GPR39: variants seen among roughly 807,000 people sequenced by gnomAD.
GPR39 encodes the protein zinc sensing receptor.
Under a neutral mutation model 18.4 loss-of-function variants are expected in GPR39, and 23 were observed. The observed-to-expected ratio is 1.25, with a 90% CI of 0.90 to 1.77. GPR39 has a LOEUF of 1.77. GPR39 is among the 40% of genes most tolerant of loss of function. The pLI is 0.00. For missense variants in GPR39, 647 were observed against 602.4 expected (o/e 1.07, Z -0.78); for synonymous variants, 280 against 257.9 (o/e 1.09, Z -0.82).
rs1335962092 is a variant in GPR39, at chr2:132,646,381, C to CCACAGCCCAGAGACTAGG, written c.*776_*793dup. 2.8e-6 allele frequency: 2 copies of CCACAGCCCAGAGACTAGG among 716,390 alleles called. No individual in the cohort carries two copies. Among genetic ancestry groups the CCACAGCCCAGAGACTAGG allele is most frequent in the Non-Finnish European group, 4.2e-6 (2 of 480,014 alleles). The allele number at this position is 716,390 out of a possible 1,614,324, so 44.4% of individuals were successfully genotyped here. ...AACGGACAGCTCTTCCTTACTCCTCCCACAGCCCAGAGACTAGGTGAGGTC... is the reference window on the plus strand; with the variant it reads ...AACGGACAGCTCTTCCTTACTCCTCCCACAGCCCAGAGACTAGGCACAGCCCAGAGACTAGGTGAGGTC... On this transcript the variant is annotated 3_prime_UTR_variant, in exon 2 of 2. Transcript: ENST00000329321.
chr2:132,527,245 C>A (rs1329941756), intron 1 of GPR39, among the ~76,000 whole-genome samples: 1 of 152,180 alleles, frequency 6.6e-6, no homozygotes, highest in African/African-American at 2.4e-5. Context: ...CCAGCTTCAT[C>A]CATGTCCCTG....
intron 1 of GPR39, among the ~76,000 whole-genome samples, chr2:132,439,025 A>G (rs550466371): frequency 6.6e-6 from 1 of 152,208 alleles, no homozygotes; most frequent in South Asian, 2.1e-4. Flanking sequence ...GATGCTATTC[A>G]TAATAACATT....
At chr2:132,629,359 C>T (rs991117162) in intron 1 of GPR39, among the ~76,000 whole-genome samples, 1 of 152,206 alleles carries the variant, frequency 6.6e-6, no homozygotes, top group African/African-American at 2.4e-5. Flanking sequence ...GCACTACACT[C>T]TGAGTAGCAA....
chr2:132,439,785 G>A, intron 1 of GPR39, among the ~76,000 whole-genome samples: 1 of 152,122 alleles, frequency 6.6e-6, no homozygotes, highest in East Asian at 1.9e-4. Context: ...TCACAACAAG[G>A]CAGCCTAGGA....
intron 1 of GPR39, among the ~76,000 whole-genome samples, chr2:132,637,708 A>C (rs1025508303): frequency 6.6e-6 from 1 of 152,214 alleles, no homozygotes; most frequent in East Asian, 1.9e-4. Context: ...TTGTCAGAGG[A>C]CATGGTACCT....
intron 1 of GPR39, among the ~76,000 whole-genome samples, chr2:132,550,544 GCT>G (rs1392065257): frequency 6.6e-6 from 1 of 152,194 alleles, no homozygotes; most frequent in Non-Finnish European, 1.5e-5. Flanking sequence ...CTTATCCAAG[GCT>G]TTAGAATGTC....
rs537675943 is a variant in GPR39, at chr2:132,535,533, G to A, written c.857-109568G>A. ...TTGGCCTGAAGTTTTCTTTTTTGTT[G>A]TATCTCTGCCAGGTTTTGGTATCAG... On this transcript the variant is annotated intron_variant, in intron 1 of 1. Coordinates refer to ENST00000329321, the MANE Select transcript of GPR39 (RefSeq NM_001508.3). Among the ~76,000 whole-genome samples the A allele has an allele frequency of 3.7e-3, 568 of 151,980 alleles. 1 individual carries two copies. The highest frequency in any genetic ancestry group is 6.2e-3 in the Non-Finnish European group (419 of 67,968).
chr2:132,644,077 C>A (rs1039476213), intron 1 of GPR39, among the ~76,000 whole-genome samples: 4 of 152,170 alleles, frequency 2.6e-5, no homozygotes, highest in Admixed American at 6.5e-5. Context: ...TTCACAGATC[C>A]CCTGATCTTC....
At chr2:132,427,802 A>G (rs770958848) in intron 1 of GPR39, among the ~76,000 whole-genome samples, 2 of 149,228 alleles carry the variant, frequency 1.3e-5, no homozygotes, top group Non-Finnish European at 3.0e-5. Flanking sequence ...GGCTCAAGCA[A>G]TCCTTCTGCC....
intron 1 of GPR39, among the ~76,000 whole-genome samples, chr2:132,507,469 T>G (rs996080131): frequency 6.6e-6 from 1 of 152,180 alleles, no homozygotes; most frequent in African/African-American, 2.4e-5. Flanking sequence ...TTCTTCCTTG[T>G]TTTAAGTATA....
In GPR39 at chr2:132,612,713, C is replaced by A. The variant is rs542369077; in HGVS notation, c.857-32388C>A. 1.3e-5 allele frequency among the ~76,000 whole-genome samples: 2 copies of A among 152,288 alleles called. 1 individual carries two copies. Among genetic ancestry groups the A allele is most frequent in the South Asian group, 4.1e-4 (2 of 4,826 alleles). On this transcript the variant is annotated intron_variant, in intron 1 of 1. Transcript: ENST00000329321. Reference sequence around the variant, plus strand: ...GTTTATTTTTGTGCTAATATCACACCATCTTCATTATTGTAACTTTATAAT... The same window carrying A: ...GTTTATTTTTGTGCTAATATCACACAATCTTCATTATTGTAACTTTATAAT...
chr2:132,587,122 C>CAG (rs1680743506), intron 1 of GPR39, among the ~76,000 whole-genome samples: 3 of 152,090 alleles, frequency 2.0e-5, no homozygotes, highest in Admixed American at 2.0e-4. Flanking sequence ...GCTTTGGTTC[C>CAG]AGAGAGATTA....
intron 1 of GPR39, among the ~76,000 whole-genome samples, chr2:132,494,582 C>T (rs531112224): frequency 1.2e-4 from 18 of 152,254 alleles, no homozygotes; most frequent in Admixed American, 3.9e-4. Context: ...TTTCATCACA[C>T]GGACACTATG....
At chr2:132,643,370 C>T (rs1270892860) in intron 1 of GPR39, among the ~76,000 whole-genome samples, 2 of 152,116 alleles carry the variant, frequency 1.3e-5, no homozygotes, top group Admixed American at 6.5e-5. Context: ...GAAGAGTTTC[C>T]AAGGCCTTCC....
chr2:132,537,404 C>T (rs1679776736), intron 1 of GPR39, among the ~76,000 whole-genome samples: 1 of 152,060 alleles, frequency 6.6e-6, no homozygotes, highest in Non-Finnish European at 1.5e-5. Flanking sequence ...CCCCCACTCT[C>T]TTCTGGCTTG....
At chr2:132,609,118 A>G (rs1161852009) in intron 1 of GPR39, among the ~76,000 whole-genome samples, 2 of 152,244 alleles carry the variant, frequency 1.3e-5, no homozygotes, top group Non-Finnish European at 2.9e-5. Context: ...AGGAGGGTAC[A>G]CGACAGCAGA....
chr2:132,593,776 A>C (rs556111226), intron 1 of GPR39, among the ~76,000 whole-genome samples: 1 of 152,116 alleles, frequency 6.6e-6, no homozygotes, highest in East Asian at 1.9e-4. Flanking sequence ...GAGGATGAAA[A>C]CTTCAAGAAA....
Position 132,645,831 on chromosome 2 carries a change from C to T in GPR39, c.*225C>T, listed in dbSNP as rs1262140970. On this transcript the variant is annotated 3_prime_UTR_variant, in exon 2 of 2. Coordinates refer to ENST00000329321, the MANE Select transcript of GPR39 (RefSeq NM_001508.3). ...GGGTGAACTTTCACTCCACCTCCTTCCTTCAAGTACATACTGAAAATTCAG... is the reference window on the plus strand; with the variant it reads ...GGGTGAACTTTCACTCCACCTCCTTTCTTCAAGTACATACTGAAAATTCAG... The T allele has an allele frequency of 3.0e-6, 2 of 673,960 alleles. No individual in the cohort carries two copies. The highest frequency in any genetic ancestry group is 3.6e-5 in the African/African-American group (2 of 55,070). The allele number at this position is 673,960 out of a possible 1,614,324, so 41.7% of individuals were successfully genotyped here. A position where few individuals can be genotyped will look rare whatever the true frequency, so the allele number is the denominator to read the frequency against.
chr2:132,589,301 A>C (rs1680787254), intron 1 of GPR39, among the ~76,000 whole-genome samples: 1 of 152,172 alleles, frequency 6.6e-6, no homozygotes, highest in African/African-American at 2.4e-5. Flanking sequence ...CCGAGCCAAG[A>C]GGCTTAGCCT....
Sources: gnomAD v4.1 joint callset for allele counts (sites outside exome capture counted in the v4.1 genomes callset) on GRCh38, gnomAD v4.1.1 for gene constraint, MANE v1.5 for transcripts, NCBI Gene and HGNC (gene_info 2026-07-23, HGNC 2026-07-21) for gene names.